The following NRXN3 variants were observed in gnomAD, a reference collection of about 807,000 sequenced individuals.
NRXN3 encodes the protein neurexin 3, also known as neurexin III.
A neutral mutation model predicts 137.6 loss-of-function variants in NRXN3; 32 were observed. That is an observed-to-expected ratio of 0.23 (90% CI 0.18 to 0.31). The LOEUF (loss-of-function observed/expected upper bound fraction) is 0.31. Ranked by LOEUF, NRXN3 falls within the 10% of genes least tolerant of loss-of-function variation. The pLI is 1.00. For missense variants in NRXN3, 1,574 were observed against 2,062.5 expected, an observed-to-expected ratio of 0.76 and a Z score of 4.59; for synonymous variants, 798 against 784.5, an observed-to-expected ratio of 1.02 and a Z score of -0.29.
intron 15 of NRXN3, among the ~76,000 whole-genome samples, chr14:79,079,190 T>G (rs1244128575): frequency 6.6e-6 from 1 of 152,142 alleles, no homozygotes; most frequent in Non-Finnish European, 1.5e-5. Flanking sequence ...GAAAGATACT[T>G]TAGGTGAATT....
intron 4 of NRXN3, among the ~76,000 whole-genome samples, chr14:78,632,056 G>A (rs923321709): frequency 6.6e-6 from 1 of 151,006 alleles, no homozygotes; most frequent in African/African-American, 2.4e-5. Flanking sequence ...GGAGCTTGCA[G>A]TGAGCCGAGA....
intron 15 of NRXN3, among the ~76,000 whole-genome samples, chr14:79,087,612 A>T (rs2048371063): frequency 6.6e-6 from 1 of 152,166 alleles, no homozygotes; most frequent in African/African-American, 2.4e-5. Context: ...TTCCTGGTAC[A>T]GAAAAGGGGG....
chr14:79,266,683 T>G (rs2078510295), intron 15 of NRXN3, among the ~76,000 whole-genome samples: 1 of 152,198 alleles, frequency 6.6e-6, no homozygotes, highest in African/African-American at 2.4e-5. Flanking sequence ...GTAAATGTTC[T>G]AGGGACTCAC....
intron 4 of NRXN3, among the ~76,000 whole-genome samples, chr14:78,576,162 A>G (rs1361437412): frequency 1.3e-5 from 2 of 152,220 alleles, no homozygotes; most frequent in African/African-American, 4.8e-5. Flanking sequence ...ATCATAAGTT[A>G]AAAGGGAGGA....
At chr14:78,201,394 T>G (rs1413344305) in intron 1 of NRXN3, among the ~76,000 whole-genome samples, 1 of 152,158 alleles carries the variant, frequency 6.6e-6, no homozygotes, top group Non-Finnish European at 1.5e-5. Flanking sequence ...GGCTTACAGA[T>G]CTGATGGCTT....
intron 16 of NRXN3, among the ~76,000 whole-genome samples, chr14:79,624,218 C>T (rs2098256942): frequency 6.6e-6 from 1 of 152,190 alleles, no homozygotes; most frequent in South Asian, 2.1e-4. Context: ...TGTCCCCTCA[C>T]AGGGAGCTCT....
chr14:78,540,418 T>C (rs2096577571), intron 4 of NRXN3, among the ~76,000 whole-genome samples: 1 of 149,530 alleles, frequency 6.7e-6, no homozygotes, highest in Non-Finnish European at 1.5e-5. Flanking sequence ...TATCAGAGAC[T>C]AGGATTGCAA....
chr14:79,553,252 C>G (rs1355895445), intron 16 of NRXN3, among the ~76,000 whole-genome samples: 1 of 151,720 alleles, frequency 6.6e-6, no homozygotes, highest in Non-Finnish European at 1.5e-5. Context: ...CCTACATGAG[C>G]TGATCAGTAC....
intron 15 of NRXN3, among the ~76,000 whole-genome samples, chr14:79,254,472 C>T (rs2153383394): frequency 6.6e-6 from 1 of 152,164 alleles, no homozygotes; most frequent in Non-Finnish European, 1.5e-5. Context: ...TATTTCACCT[C>T]TTCACTCTGC....
intron 15 of NRXN3, among the ~76,000 whole-genome samples, chr14:79,236,321 ATGTATGTGTATTTATGTGTGTGTATATG>A (rs2073353632): frequency 1.3e-5 from 2 of 152,098 alleles, no homozygotes; most frequent in East Asian, 3.9e-4. Context: ...ATATATATAT[ATGTATGTGTATTTATGTGTGTGTATATG>A]TACATATGTT....
rs554390384 is a variant in NRXN3 at position 79,476,615 on chromosome 14, C to T, written c.3444+9213C>T. Reference sequence around the variant, plus strand: ...TAGATTATTACTTCCTACATTTACTCGGGAGCATGTGTTTCAGAGACCATC... The same window carrying T: ...TAGATTATTACTTCCTACATTTACTTGGGAGCATGTGTTTCAGAGACCATC... On this transcript the variant is annotated intron_variant, in intron 16 of 20. Transcript: ENST00000335750. Among the ~76,000 whole-genome samples, 11 of 152,168 alleles carry T rather than the reference C, an allele frequency of 7.2e-5. No individual in the cohort carries two copies. The East Asian group carries it at 1.4e-3, about 19-fold the overall frequency.
At chr14:79,125,894 A>C (rs1044684247) in intron 15 of NRXN3, among the ~76,000 whole-genome samples, 1 of 152,158 alleles carries the variant, frequency 6.6e-6, no homozygotes, top group Non-Finnish European at 1.5e-5. Context: ...CTTATTGCCA[A>C]ATAAATTATT....
At chr14:79,149,546 G>T (rs369569837) in intron 15 of NRXN3, among the ~76,000 whole-genome samples, 88 of 152,094 alleles carry the variant, frequency 5.8e-4, no homozygotes, top group African/African-American at 1.8e-3. Flanking sequence ...GTTATAAAGA[G>T]ACATGCATGC....
chr14:78,289,304 C>T (rs554693760), intron 3 of NRXN3, among the ~76,000 whole-genome samples: 3 of 152,236 alleles, frequency 2.0e-5, no homozygotes, highest in South Asian at 4.1e-4. Flanking sequence ...TGAAGTCTGC[C>T]ATTCTGATTA....
At chr14:79,259,545 A>T (rs977520046) in intron 15 of NRXN3, among the ~76,000 whole-genome samples, 2 of 148,308 alleles carry the variant, frequency 1.3e-5, no homozygotes, top group Non-Finnish European at 3.0e-5. Flanking sequence ...ATAGTTATCT[A>T]TATATATAGC....
intron 1 of NRXN3, among the ~76,000 whole-genome samples, chr14:78,204,823 A>G (rs540472412): frequency 7.2e-4 from 110 of 152,242 alleles, no homozygotes; most frequent in Non-Finnish European, 1.2e-3. Flanking sequence ...ACATGGCAAT[A>G]AAGAGCCGTA....
rs1284179605 is a variant in NRXN3, at chr14:78,483,967, C to A, written c.758-161153C>A. 2.1e-5 allele frequency among the ~76,000 whole-genome samples: 3 copies of A among 141,598 alleles called. No individual in the cohort carries two copies. In the East Asian group the frequency reaches 6.5e-4, roughly 31 times the overall value. The allele number at this position is 141,598 out of a possible 152,430, so 92.9% of individuals were successfully genotyped here. On this transcript the variant is annotated intron_variant, in intron 4 of 20. Transcript: ENST00000335750. ...CAAGCCATTCATTTTTCAGCATAAA[C>A]CAAGGGATGCTCTTACACACACACA...
chr14:79,605,903 A>G (rs979305891), intron 16 of NRXN3, among the ~76,000 whole-genome samples: 10 of 152,214 alleles, frequency 6.6e-5, no homozygotes, highest in African/African-American at 2.2e-4. Context: ...GTTACCTGAA[A>G]TGATGGATCA....
chr14:79,034,272 C>T (rs12882464), intron 15 of NRXN3, among the ~76,000 whole-genome samples: 1 of 151,470 alleles, frequency 6.6e-6, no homozygotes, highest in Non-Finnish European at 1.5e-5. Flanking sequence ...TAATAGTTCT[C>T]TGTTTACAAG....
Sources: gnomAD v4.1 joint callset for allele counts (sites outside exome capture counted in the v4.1 genomes callset) on GRCh38, gnomAD v4.1.1 for gene constraint, MANE v1.5 for transcripts, NCBI Gene and HGNC (gene_info 2026-07-23, HGNC 2026-07-21) for gene names.